SPACA7: variants seen among roughly 807,000 people sequenced by gnomAD.
The protein encoded by SPACA7 is sperm acrosome-associated protein 7.
In SPACA7, 19 loss-of-function variants were observed where a neutral mutation model predicts 26.3. That is an observed-to-expected ratio of 0.72 (90% CI 0.50 to 1.06). The LOEUF (loss-of-function observed/expected upper bound fraction) is 1.06, where lower values mean the gene tolerates loss of function less well. SPACA7 is among the 50% of genes least tolerant of loss of function. SPACA7 has a pLI of 0.00. For missense variants in SPACA7, 211 were observed against 229.9 expected (o/e 0.92, Z 0.53); for synonymous variants, 84 against 84.5 (o/e 0.99, Z 0.04).
At chr13:112,386,177 T>A (rs1347621816) in intron 1 of SPACA7, among the ~76,000 whole-genome samples, 1 of 152,224 alleles carries the variant, frequency 6.6e-6, no homozygotes, top group East Asian at 1.9e-4. Flanking sequence ...CCATCCCCCA[T>A]GGGAGTCCCA....
chr13:112,382,067 A>C (rs1292694603), intron 1 of SPACA7, among the ~76,000 whole-genome samples: 1 of 152,120 alleles, frequency 6.6e-6, no homozygotes, highest in Admixed American at 6.5e-5. Flanking sequence ...CTTTGTTTAA[A>C]CTATAAACTA....
At chr13:112,394,463 G>T (rs2138924660) in intron 2 of SPACA7, among the ~76,000 whole-genome samples, 1 of 151,818 alleles carries the variant, frequency 6.6e-6, no homozygotes, top group South Asian at 2.1e-4. Flanking sequence ...CCCAGGTGCT[G>T]GGCCCTTTCC....
At chr13:112,433,727 T>A in intron 6 of SPACA7, among the ~76,000 whole-genome samples, 1 of 151,944 alleles carries the variant, frequency 6.6e-6, no homozygotes, top group African/African-American at 2.4e-5. Context: ...CAGGCCAGTG[T>A]CAGTCCCAGG....
In SPACA7 at chr13:112,398,033, G is replaced by T. The variant is rs558911119; in HGVS notation, c.152-16G>T. 8.2e-6 allele frequency: 13 copies of T among 1,594,084 alleles called. No individual in the cohort carries two copies. In the South Asian group the frequency reaches 1.3e-4, roughly 16 times the overall value. On this transcript the variant is annotated splice_polypyrimidine_tract_variant and intron_variant, in intron 2 of 6. Transcript: ENST00000283550. Reference sequence around the variant, plus strand: ...GCAGGGCCGACTCTAACGTGATCTTGTGTGCTTCTCCCAAGATGAAATTCT... The same window carrying T: ...GCAGGGCCGACTCTAACGTGATCTTTTGTGCTTCTCCCAAGATGAAATTCT...
chr13:112,382,389 TG>T, intron 1 of SPACA7: 1 of 1,537,126 alleles, frequency 6.5e-7, no homozygotes, highest in Non-Finnish European at 8.8e-7. Flanking sequence ...TGAGCCACCG[TG>T]CCTGGCCAAT....
chr13:112,402,202 C>G (rs1256664786), intron 5 of SPACA7, among the ~76,000 whole-genome samples: 1 of 152,162 alleles, frequency 6.6e-6, no homozygotes, highest in African/African-American at 2.4e-5. Flanking sequence ...TGTTCAATGT[C>G]ATTTCCTATC....
chr13:112,398,523 G>C (rs1885431593), intron 3 of SPACA7, among the ~76,000 whole-genome samples: 1 of 152,154 alleles, frequency 6.6e-6, no homozygotes, highest in Non-Finnish European at 1.5e-5. Context: ...GCTTCTGAGA[G>C]AGCAGGGCAG....
rs1884151799 is a variant in SPACA7 at position 112,382,584 on chromosome 13, TA to T, written c.94+6110del. On this transcript the variant is annotated intron_variant, in intron 1 of 6. Coordinates refer to ENST00000283550, the MANE Select transcript of SPACA7 (RefSeq NM_145248.5). ...GGCTGGGCTTCCAAGGCTTGTGTGG[TA>T]AAAACATTATTACCTTTATCTATAG... 4.7e-6 allele frequency: 7 copies of T among 1,499,862 alleles called. No homozygotes were observed. In the South Asian group the frequency reaches 7.8e-5, roughly 17 times the overall value. 92.9% of individuals were successfully genotyped at this position (1,499,862 alleles called of 1,614,324 possible). A position where few individuals can be genotyped will look rare whatever the true frequency, so the allele number is the denominator to read the frequency against.
At chr13:112,405,992 A>G (rs529688187) in intron 5 of SPACA7, among the ~76,000 whole-genome samples, 15 of 152,308 alleles carry the variant, frequency 9.8e-5, no homozygotes, top group Non-Finnish European at 1.9e-4. Context: ...CATATTAAAT[A>G]ATAAGATATA....
At chr13:112,434,385 C>A in intron 6 of SPACA7, 100 bp from the exon 7 acceptor site, 3 of 993,690 alleles carry the variant, frequency 3.0e-6, no homozygotes, top group Non-Finnish European at 4.6e-6. Context: ...CAACTGAGGG[C>A]TTGGTTCCTC....
At chr13:112,422,007 G>T (rs1267896898) in intron 5 of SPACA7, among the ~76,000 whole-genome samples, 2 of 152,060 alleles carry the variant, frequency 1.3e-5, no homozygotes, top group African/African-American at 2.4e-5. Context: ...ATAACTAATA[G>T]GGACTAGGCT....
rs1168971229 is a variant in SPACA7, at chr13:112,434,588, G to A, written c.*39G>A. 9.1e-6 allele frequency: 14 copies of A among 1,543,176 alleles called. No homozygotes were observed. Among genetic ancestry groups the A allele is most frequent in the Non-Finnish European group, 1.2e-5 (14 of 1,134,100 alleles). On this transcript the variant is annotated 3_prime_UTR_variant, in exon 7 of 7. Coordinates refer to ENST00000283550, the MANE Select transcript of SPACA7 (RefSeq NM_145248.5). ...GACCCCCTGCGCAGGAGAGGAGCCT[G>A]CTAGAACCCCCACCCACCAGCCTCC...
At chr13:112,407,437 T>C (rs1886057900) in intron 5 of SPACA7, among the ~76,000 whole-genome samples, 1 of 152,108 alleles carries the variant, frequency 6.6e-6, no homozygotes, top group African/African-American at 2.4e-5. Context: ...GAGCTGGTTT[T>C]TTGAAAAGAT....
At chr13:112,422,207 C>G (rs570299761) in intron 5 of SPACA7, among the ~76,000 whole-genome samples, 72 of 152,180 alleles carry the variant, frequency 4.7e-4, no homozygotes, top group Admixed American at 1.1e-3. Context: ...AAAACTAGAT[C>G]ATTTTAGAAG....
At chr13:112,425,636 G>C (rs1177392452) in intron 5 of SPACA7, among the ~76,000 whole-genome samples, 1 of 141,276 alleles carries the variant, frequency 7.1e-6, no homozygotes, top group Non-Finnish European at 1.6e-5. Context: ...AGAAGACAGA[G>C]AGAGACAGAG....
At chr13:112,382,435 G>T in intron 1 of SPACA7, 1 of 1,549,648 alleles carries the variant, frequency 6.5e-7, no homozygotes, top group Non-Finnish European at 8.7e-7. Context: ...CTGTGAAGAT[G>T]GGAAAAGGCT....
intron 1 of SPACA7, among the ~76,000 whole-genome samples, chr13:112,379,846 A>G (rs1198310182): frequency 6.6e-6 from 1 of 152,214 alleles, no homozygotes; most frequent in Non-Finnish European, 1.5e-5. Flanking sequence ...AGTTTTGAAT[A>G]TTTGGTTAAA....
chr13:112,418,330 G>C (rs1307225116), intron 5 of SPACA7, among the ~76,000 whole-genome samples: 1 of 152,200 alleles, frequency 6.6e-6, no homozygotes, highest in African/African-American at 2.4e-5. Flanking sequence ...TTGGCTGTTA[G>C]AGTTTATTTT....
At chr13:112,434,023 C>G (rs889704155) in intron 6 of SPACA7, among the ~76,000 whole-genome samples, 1 of 152,174 alleles carries the variant, frequency 6.6e-6, no homozygotes, top group Non-Finnish European at 1.5e-5. Context: ...AGCTCCTGTA[C>G]GTCACCAGCA....
Sources: gnomAD v4.1 joint callset for allele counts (sites outside exome capture counted in the v4.1 genomes callset) on GRCh38, gnomAD v4.1.1 for gene constraint, MANE v1.5 for transcripts, NCBI Gene and HGNC (gene_info 2026-07-23, HGNC 2026-07-21) for gene names.